The following KCTD2 variants were observed in gnomAD, a reference collection of about 807,000 sequenced individuals.
The protein encoded by KCTD2 is BTB/POZ domain-containing protein KCTD2.
A neutral mutation model predicts 27.9 loss-of-function variants in KCTD2; 18 were observed. The ratio of observed to expected loss-of-function variants is 0.64; its 90% CI spans 0.45 to 0.96. The LOEUF (loss-of-function observed/expected upper bound fraction) is 0.96. Ranked by LOEUF, KCTD2 falls within the 40% of genes least tolerant of loss-of-function variation. The probability of loss-of-function intolerance (pLI) is 0.00; values close to 1 mark genes in which losing one functional copy is unlikely to be tolerated. For synonymous variants in KCTD2, 175 were observed against 148.4 expected (o/e 1.18, Z -1.30); for missense variants, 280 against 348.0 (o/e 0.80, Z 1.56).
intron 3 of KCTD2, among the ~76,000 whole-genome samples, chr17:75,038,103 A>G (rs187601639): frequency 6.6e-6 from 1 of 152,162 alleles, no homozygotes; most frequent in Non-Finnish European, 1.5e-5. Flanking sequence ...AAAAGCTGTA[A>G]GTTAACTGTG....
intron 3 of KCTD2, chr17:75,035,391 G>A (rs181705795): frequency 7.2e-5 from 11 of 152,248 alleles, no homozygotes; most frequent in African/African-American, 2.4e-4. Context: ...TGTCTCTCTT[G>A]AGCTGGTACC....
In KCTD2 at chr17:75,061,720, C is replaced by T. The variant is rs533949288; in HGVS notation, c.637-400C>T. On this transcript the variant is annotated intron_variant, in intron 4 of 5. Coordinates refer to ENST00000322444, the MANE Select transcript of KCTD2 (RefSeq NM_015353.3). The stretch of plus-strand genomic sequence containing the variant: ...TGATTGGCTCGGTGCTTTCCAGAGC[C>T]TCCTGTCCCCAGTCTAGGGCTTCTG... Among the ~76,000 whole-genome samples the T allele has an allele frequency of 3.9e-5, 6 of 152,284 alleles. No individual in the cohort carries two copies. In the South Asian group the frequency reaches 6.2e-4, roughly 16 times the overall value.
intron 4 of KCTD2, 26 bp from the exon 5 acceptor site, chr17:75,062,094 T>A (rs1277173350): frequency 6.2e-7 from 1 of 1,613,190 alleles, no homozygotes; most frequent in African/African-American, 1.3e-5. Flanking sequence ...GCCACATGAA[T>A]GTTCACTGTA....
chr17:75,039,105 C>G, intron 3 of KCTD2: 1 of 1,612,314 alleles, frequency 6.2e-7, no homozygotes, highest in Non-Finnish European at 8.5e-7. Context: ...TAAACAGAGA[C>G]GGAAAGCAGA....
At chr17:75,043,371 G>A (rs1253333665), upstream of KCTD2, among the ~76,000 whole-genome samples, 6 of 151,996 alleles carry the variant, frequency 3.9e-5, no homozygotes, top group Admixed American at 2.0e-4. Context: ...CAGCACTTTG[G>A]GAGGCTGAGG....
intron 2 of KCTD2, among the ~76,000 whole-genome samples, chr17:75,050,713 C>T (rs957499997): frequency 6.6e-6 from 1 of 152,130 alleles, no homozygotes; most frequent in Non-Finnish European, 1.5e-5. Context: ...ATTAAAAAAA[C>T]TTTATTTTGA....
At chr17:75,047,775 T>C (rs1046713993) in intron 1 of KCTD2, among the ~76,000 whole-genome samples, 186 bp downstream of exon 1, 1 of 152,028 alleles carries the variant, frequency 6.6e-6, no homozygotes, top group African/African-American at 2.4e-5. Flanking sequence ...TCTTCCATGC[T>C]GAGGCATACT....
At chr17:75,051,779 CA>C (rs1300028489) in intron 2 of KCTD2, among the ~76,000 whole-genome samples, 1 of 152,100 alleles carries the variant, frequency 6.6e-6, no homozygotes, top group Non-Finnish European at 1.5e-5. Context: ...GTACAGTTAT[CA>C]AACTCAGGAA....
Position 75,059,598 on chromosome 17 carries a change from T to G in KCTD2, c.629T>G (p.Phe210Cys), listed in dbSNP as rs771267119. 1 of 1,613,518 alleles carries G rather than the reference T, an allele frequency of 6.2e-7. No individual in the cohort carries two copies. Among genetic ancestry groups the G allele is most frequent in the South Asian group, 1.1e-5 (1 of 91,062 alleles). Residue 210 changes from phenylalanine to cysteine, a missense_variant, in exon 4 of 6, where the codon TTC becomes TGC. Transcript: ENST00000322444. The part of the protein sequence containing the change: ...MVSTMSDGWK[F>C]EQLISIGSSY... ...TCCACGATGTCCGACGGCTGGAAATTCGAACAGGTACATCTCTTAACAGAG... is the reference window on the plus strand; with the variant it reads ...TCCACGATGTCCGACGGCTGGAAATGCGAACAGGTACATCTCTTAACAGAG...
At chr17:75,049,487 GA>G (rs1210654268) in intron 2 of KCTD2, among the ~76,000 whole-genome samples, 159 bp downstream of exon 2, 1 of 152,218 alleles carries the variant, frequency 6.6e-6, no homozygotes, top group Non-Finnish European at 1.5e-5. Flanking sequence ...TTGTCTGAGG[GA>G]GTCATGATTA....
intron 3 of KCTD2, among the ~76,000 whole-genome samples, chr17:75,057,749 T>G (rs1337896329): frequency 6.6e-6 from 1 of 151,640 alleles, no homozygotes; most frequent in African/African-American, 2.4e-5. Context: ...TTAGTAGAGA[T>G]GGGGTTTCAC....
chr17:75,039,053 ATCT>A, intron 3 of KCTD2: 1 of 1,613,998 alleles, frequency 6.2e-7, no homozygotes, highest in Non-Finnish European at 8.5e-7. Flanking sequence ...TAAGTTCTTC[ATCT>A]TCTCCATCTG....
chr17:75,035,691 G>T (rs1038488892), intron 3 of KCTD2, among the ~76,000 whole-genome samples: 18 of 152,090 alleles, frequency 1.2e-4, no homozygotes, highest in Non-Finnish European at 2.1e-4. Context: ...CCGGCCAATC[G>T]TGGTGGCACG....
intron 3 of KCTD2, chr17:75,039,366 C>G: frequency 5.4e-6 from 6 of 1,108,196 alleles, no homozygotes; most frequent in Non-Finnish European, 8.1e-6. Flanking sequence ...CTCCTGCTGT[C>G]CTATTGCTCT....
intron 4 of KCTD2, among the ~76,000 whole-genome samples, 183 bp from the exon 5 acceptor site, chr17:75,061,936 TG>T (rs1211604211): frequency 6.6e-6 from 1 of 152,134 alleles, no homozygotes; most frequent in Non-Finnish European, 1.5e-5. Context: ...GCCTCACCAA[TG>T]ATGCCCTGAT....
At position 75,060,394 on chromosome 17, in the gene KCTD2, G is replaced by GC. The variant is rs1184611126; in HGVS notation, c.636+791dup. The GC allele has an allele frequency of 2.0e-6, 3 of 1,493,584 alleles. No homozygotes were observed. In the African/African-American group the frequency reaches 4.2e-5, roughly 21 times the overall value. The allele number at this position is 1,493,584 out of a possible 1,614,324, so 92.5% of individuals were successfully genotyped here. On this transcript the variant is annotated intron_variant, in intron 4 of 5. Coordinates refer to ENST00000322444, the MANE Select transcript of KCTD2 (RefSeq NM_015353.3). ...CTATTTCACATTCAAGTGATCCTCT[G>GC]CCACTTATTAACTGGTTCACTTCAA...
At chr17:75,058,683 C>G (rs1003575784) in intron 3 of KCTD2, among the ~76,000 whole-genome samples, 13 of 152,022 alleles carry the variant, frequency 8.6e-5, no homozygotes, top group Admixed American at 5.9e-4. Flanking sequence ...CCTGTAATCC[C>G]AGCTATTCGG....
At chr17:75,051,432 A>ATG (rs2073285649) in intron 2 of KCTD2, among the ~76,000 whole-genome samples, 1 of 151,520 alleles carries the variant, frequency 6.6e-6, no homozygotes, top group African/African-American at 2.4e-5. Flanking sequence ...TTACAGGTGC[A>ATG]TGCCACCACG....
rs951474669 is a variant in KCTD2 at position 75,063,044 on chromosome 17, G to A, written c.789G>A (p.Met263Ile). The A allele has an allele frequency of 6.2e-7, 1 of 1,613,946 alleles. No individual in the cohort carries two copies. The highest frequency in any genetic ancestry group is 8.5e-7 in the Non-Finnish European group (1 of 1,179,954). Residue 263 changes from methionine to isoleucine, a missense_variant, in exon 6 of 6, where the codon ATG becomes ATA. Physicochemically the swap from Met to Ile is conservative, Grantham distance 10. Coordinates refer to ENST00000322444, the MANE Select transcript of KCTD2 (RefSeq NM_015353.3). ...AKILQERGSR[M>I] Reference sequence around the variant, plus strand: ...TTCTTCAGGAGAGAGGATCGCGGATGTAAACTAAGACCCCGAAAACTCCAG... The same window carrying A: ...TTCTTCAGGAGAGAGGATCGCGGATATAAACTAAGACCCCGAAAACTCCAG...
Sources: allele counts gnomAD v4.1 joint callset (sites outside exome capture counted in the v4.1 genomes callset), GRCh38; gene constraint gnomAD v4.1.1; transcripts MANE v1.5; gene names NCBI Gene and HGNC (gene_info 2026-07-23, HGNC 2026-07-21).